Variants in VAV2 observed in about 807,000 individuals in gnomAD.
The protein encoded by VAV2 is vav guanine nucleotide exchange factor 2.
A neutral mutation model predicts 132.5 loss-of-function variants in VAV2; 67 were observed. That is an observed-to-expected ratio of 0.51 (90% confidence interval 0.42 to 0.62). The LOEUF (loss-of-function observed/expected upper bound fraction) is 0.62, where lower values mean the gene tolerates loss of function less well. Among genes scored for constraint, VAV2 ranks in the 20% least tolerant of loss-of-function variants. VAV2 has a pLI of 0.00. For missense variants in VAV2, 938 were observed against 1,153.6 expected (o/e 0.81, Z 2.71); for synonymous variants, 492 against 443.5 (o/e 1.11, Z -1.37).
chr9:133,967,933 C>CAAAAAAAA, intron 1 of VAV2, among the ~76,000 whole-genome samples: 1 of 71,360 alleles, frequency 1.4e-5, no homozygotes, highest in Middle Eastern at 0.013. Context: ...ACTCTATAAC[C>CAAAAAAAA]AAAAAAAAAA....
rs1410422525 is a variant in VAV2 at position 133,991,172 on chromosome 9, G to C, written c.204+903C>G. ...ACCTCCTCGGCGCTGGGTGGACCCG[G>C]CTGCCACCCGCTCTGCCTCCCCCGA... On this transcript the variant is annotated intron_variant, in intron 1 of 29. Coordinates refer to ENST00000371850, the MANE Select transcript of VAV2 (RefSeq NM_001134398.2). The surrounding 1 kb of genome is among the most constrained non-coding windows in gnomAD (Gnocchi z 4.8). Among the ~76,000 whole-genome samples, 1 of 152,184 alleles carries C rather than the reference G, an allele frequency of 6.6e-6. No homozygotes were observed. Among genetic ancestry groups the C allele is most frequent in the Non-Finnish European group, 1.5e-5 (1 of 68,032 alleles).
intron 20 of VAV2, among the ~76,000 whole-genome samples, chr9:133,780,333 C>A (rs73550074): frequency 6.6e-6 from 1 of 152,140 alleles, no homozygotes; most frequent in Non-Finnish European, 1.5e-5. Context: ...GAGGGGCACA[C>A]GAAGCCCCTG....
At chr9:133,792,530 G>GGGTGTGTGTGATTA (rs1834532213) in intron 12 of VAV2, among the ~76,000 whole-genome samples, 5 of 123,202 alleles carry the variant, frequency 4.1e-5, no homozygotes, top group Admixed American at 1.6e-4. Context: ...GTGTGTTATT[G>GGGTGTGTGTGATTA]TGTGTGTGTA....
intron 2 of VAV2, among the ~76,000 whole-genome samples, chr9:133,892,393 G>T (rs1326292403): frequency 6.6e-6 from 1 of 151,814 alleles, no homozygotes; most frequent in Non-Finnish European, 1.5e-5. Context: ...GGAAATGTGG[G>T]GGCTGAGGAG....
chr9:133,843,849 G>A (rs1453429544), intron 3 of VAV2, among the ~76,000 whole-genome samples: 1 of 152,172 alleles, frequency 6.6e-6, no homozygotes, highest in African/African-American at 2.4e-5. Flanking sequence ...GAAGTAGGAG[G>A]GTCTCTGTCC....
chr9:133,910,070 G>A (rs1293321011), intron 2 of VAV2, among the ~76,000 whole-genome samples: 1 of 152,178 alleles, frequency 6.6e-6, no homozygotes, highest in Non-Finnish European at 1.5e-5. Context: ...CACAGTGACT[G>A]GAGCTTCTGA....
rs762041363 is a variant in VAV2, at chr9:133,770,373, G to A, written c.2347+5C>T. 47 of 1,613,776 alleles carry A rather than the reference G, an allele frequency of 2.9e-5. No homozygotes were observed. The highest frequency in any genetic ancestry group is 3.6e-5 in the Non-Finnish European group (43 of 1,179,874). ...GCTGGTGTGCCGGCTGGGCCGGGGCGTTACCTGGGGACCGGCTGGAGGCCC... is the reference window on the plus strand; with the variant it reads ...GCTGGTGTGCCGGCTGGGCCGGGGCATTACCTGGGGACCGGCTGGAGGCCC... On this transcript the variant is annotated splice_donor_5th_base_variant and intron_variant, in intron 27 of 29. Transcript: ENST00000371850.
At chr9:133,805,991 A>G (rs986151213) in intron 9 of VAV2, 90 bp downstream of exon 9, 2 of 1,383,642 alleles carry the variant, frequency 1.4e-6, no homozygotes, top group African/African-American at 2.9e-5. Context: ...GGACACCCCA[A>G]GAGTCCCACT....
rs554968356 is a variant in VAV2 at position 133,854,789 on chromosome 9, A to T, written c.380+6585T>A. Among the ~76,000 whole-genome samples, 3 of 152,300 alleles carry T rather than the reference A, an allele frequency of 2.0e-5. No homozygotes were observed. In the South Asian group the frequency reaches 6.2e-4, roughly 32 times the overall value. The stretch of plus-strand genomic sequence containing the variant: ...AGGTTGAATCCATTATTGTAACGAA[A>T]GGAAAGAAAAGGAAAAAAAAGACTC... On this transcript the variant is annotated intron_variant, in intron 3 of 29. Coordinates refer to ENST00000371850, the MANE Select transcript of VAV2 (RefSeq NM_001134398.2).
At chr9:133,890,200 G>T (rs548883250) in intron 2 of VAV2, among the ~76,000 whole-genome samples, 2 of 152,302 alleles carry the variant, frequency 1.3e-5, no homozygotes, top group Admixed American at 1.3e-4. Flanking sequence ...GAGACTCCAG[G>T]GGGTGGAACC....
Position 133,804,248 on chromosome 9 carries a change from T to C in VAV2, c.836+1833A>G, listed in dbSNP as rs1402871855. 6.6e-6 allele frequency among the ~76,000 whole-genome samples: 1 copy of C among 152,092 alleles called. No homozygotes were observed. Among genetic ancestry groups the C allele is most frequent in the Admixed American group, 6.5e-5 (1 of 15,274 alleles). ...GATGCTGGGACAGAACCACGATGAT[T>C]TGGTGATGAGCTCTGATGAAACGCT... On this transcript the variant is annotated intron_variant, in intron 9 of 29. Coordinates refer to ENST00000371850, the MANE Select transcript of VAV2 (RefSeq NM_001134398.2). This position sits in a 1 kb window ranked among gnomAD's most constrained non-coding sequence, Gnocchi z 4.5.
At chr9:133,808,483 G>C (rs1369655981) in intron 7 of VAV2, among the ~76,000 whole-genome samples, 4 of 152,206 alleles carry the variant, frequency 2.6e-5, no homozygotes, top group Non-Finnish European at 5.9e-5. Context: ...GGTGGGGTAG[G>C]GGAGGTGAAG....
chr9:133,821,774 C>T (rs559050197), intron 4 of VAV2, among the ~76,000 whole-genome samples: 1 of 152,198 alleles, frequency 6.6e-6, no homozygotes, highest in Non-Finnish European at 1.5e-5. Context: ...TGAGGAGGCC[C>T]GAGATGGCCA....
chr9:133,858,585 C>A (rs1285170897), intron 3 of VAV2, among the ~76,000 whole-genome samples: 1 of 152,158 alleles, frequency 6.6e-6, no homozygotes, highest in African/African-American at 2.4e-5. Context: ...CTTGGGGACC[C>A]CACACACACC....
intron 11 of VAV2, 95 bp downstream of exon 11, chr9:133,796,334 T>C: frequency 9.5e-7 from 1 of 1,047,354 alleles, no homozygotes; most frequent in Non-Finnish European, 1.4e-6. Context: ...ACTTAATCTG[T>C]CTGTGGGCTG....
intron 9 of VAV2, among the ~76,000 whole-genome samples, chr9:133,801,366 C>T (rs779947247): frequency 3.3e-5 from 5 of 152,222 alleles, no homozygotes; most frequent in Admixed American, 1.3e-4. Context: ...AGAGACGTGA[C>T]GTGACTTCTG....
Position 133,769,429 on chromosome 9 carries a change from G to C in VAV2, c.2422C>G (p.Pro808Ala). ...LSFASQGPSA[P>A]FWSVFTPRVI... is the part of the protein sequence containing the mutation. ...GGAGCAGCGGTACCTGACCAGAAGG[G>C]AGCGGAGGGGCCCTGAGAAGCAAAG... The change falls in exon 28 of 30, where the codon CCC (proline) becomes GCC (alanine). Residue 808 changes from proline to alanine, a missense_variant. Transcript: ENST00000371850. The surrounding 1 kb of genome is among the most constrained non-coding windows in gnomAD (Gnocchi z 8.1). The C allele has an allele frequency of 6.2e-7, 1 of 1,612,494 alleles. No homozygotes were observed.
intron 3 of VAV2, among the ~76,000 whole-genome samples, chr9:133,842,518 A>T (rs905564045): frequency 6.6e-6 from 1 of 152,034 alleles, no homozygotes; most frequent in Admixed American, 6.5e-5. Flanking sequence ...ATTTCTTGGG[A>T]TGCGGGACTT....
At chr9:133,843,817 G>A (rs1393464708) in intron 3 of VAV2, among the ~76,000 whole-genome samples, 1 of 152,226 alleles carries the variant, frequency 6.6e-6, no homozygotes, top group Non-Finnish European at 1.5e-5. Context: ...GGCCACCAGG[G>A]TCTGAAACCA....
Sources: allele counts gnomAD v4.1 joint callset (sites outside exome capture counted in the v4.1 genomes callset), GRCh38; gene constraint gnomAD v4.1.1; non-coding constraint Gnocchi (gnomAD v3.1); transcripts MANE v1.5; gene names NCBI Gene and HGNC (gene_info 2026-07-23, HGNC 2026-07-21).